Variants in TMX4 observed in about 807,000 individuals in gnomAD.
TMX4 encodes the protein thioredoxin related transmembrane protein 4, also known as thioredoxin-related transmembrane protein 4.
In TMX4, 23 loss-of-function variants were observed where a neutral mutation model predicts 33.3. The observed-to-expected ratio is 0.69, with a 90% CI of 0.50 to 0.98. The LOEUF is 0.98. TMX4 is among the 50% of genes least tolerant of loss of function. The pLI is 0.00. For synonymous variants in TMX4, 164 were observed against 161.5 expected (o/e 1.02, Z -0.12); for missense variants, 399 against 448.9 (o/e 0.89, Z 1.01).
At chr20:8,015,085 A>G (rs1358553493) in intron 1 of TMX4, among the ~76,000 whole-genome samples, 5 of 152,266 alleles carry the variant, frequency 3.3e-5, no homozygotes, top group African/African-American at 1.2e-4. Flanking sequence ...GATCAAATAA[A>G]ACAGTTAGTT....
intron 1 of TMX4, among the ~76,000 whole-genome samples, chr20:8,012,212 A>C (rs944686294): frequency 9.9e-5 from 15 of 152,156 alleles, no homozygotes; most frequent in African/African-American, 3.4e-4. Context: ...ATTAATCATG[A>C]TATTCTGGGC....
chr20:7,999,640 A>T, intron 4 of TMX4, 92 bp downstream of exon 4: 1 of 1,393,468 alleles, frequency 7.2e-7, no homozygotes, highest in Non-Finnish European at 9.7e-7. Context: ...AGTAAATGTG[A>T]AGTAAAACAT....
chr20:8,006,363 A>C (rs1283051467), intron 2 of TMX4, among the ~76,000 whole-genome samples: 1 of 152,220 alleles, frequency 6.6e-6, no homozygotes, highest in Non-Finnish European at 1.5e-5. Flanking sequence ...GACACTTCAA[A>C]ATTATTGTTT....
chr20:8,014,006 G>T (rs576493046), intron 1 of TMX4: 1 of 152,200 alleles, frequency 6.6e-6, no homozygotes, highest in South Asian at 2.1e-4. Context: ...CTAAATCAAA[G>T]TGTCAACAAA....
At chr20:7,986,344 C>A (rs1477668941) in intron 6 of TMX4, among the ~76,000 whole-genome samples, 1 of 152,054 alleles carries the variant, frequency 6.6e-6, no homozygotes, top group African/African-American at 2.4e-5. Context: ...TCAAATCGAG[C>A]CTCCTTGGCC....
In TMX4 at chr20:7,980,250, A is replaced by T. The variant is rs1028443805; in HGVS notation, c.*2001T>A. 1 of 152,218 alleles carries T rather than the reference A, an allele frequency of 6.6e-6. No individual in the cohort carries two copies. The highest frequency in any genetic ancestry group is 1.5e-5 in the Non-Finnish European group (1 of 68,040). 9.4% of individuals were successfully genotyped at this position (152,218 alleles called of 1,614,324 possible). On this transcript the variant is annotated 3_prime_UTR_variant, in exon 8 of 8. Coordinates refer to ENST00000246024, the MANE Select transcript of TMX4 (RefSeq NM_021156.4). The stretch of plus-strand genomic sequence containing the variant: ...ACTCCACTAAAAAAATGAATATTTC[A>T]GTTTGAGAGGGAGGAATTATATAGA...
chr20:8,013,428 A>C lies in TMX4; in HGVS notation c.177-3113T>G, dbSNP rs546738978. Among the ~76,000 whole-genome samples, 10 of 152,326 alleles carry C rather than the reference A, an allele frequency of 6.6e-5. No homozygotes were observed. The South Asian group carries it at 2.1e-3, about 32-fold the overall frequency. The stretch of plus-strand genomic sequence containing the variant: ...GTCACAGTGGTATGTAAAATTAGTA[A>C]ACTTCATAAACATATTTGAAATATA... On this transcript the variant is annotated intron_variant, in intron 1 of 7. Coordinates refer to ENST00000246024, the MANE Select transcript of TMX4 (RefSeq NM_021156.4).
Position 8,010,470 on chromosome 20 carries a change from A to G in TMX4, c.177-155T>C, listed in dbSNP as rs373103319. Among the ~76,000 whole-genome samples, 9 of 152,198 alleles carry G rather than the reference A, an allele frequency of 5.9e-5. No individual in the cohort carries two copies. In the East Asian group the frequency reaches 7.7e-4, roughly 13 times the overall value. On this transcript the variant is annotated intron_variant, in intron 1 of 7. Transcript: ENST00000246024. ...TCATTTGACATAGAAAAACAGAAGC[A>G]CATTGTCCCCACTAGGATTTAATGT...
chr20:8,001,387 C>T (rs2050706802), intron 3 of TMX4, 109 bp downstream of exon 3: 1 of 1,156,590 alleles, frequency 8.6e-7, no homozygotes, highest in Non-Finnish European at 1.2e-6. Flanking sequence ...CCTTGTTTCC[C>T]TCACATGTTA....
chr20:8,002,421 T>C (rs4813849), intron 2 of TMX4, among the ~76,000 whole-genome samples: 2,514 of 152,256 alleles, frequency 0.017, 60 homozygotes, highest in East Asian at 0.065. Flanking sequence ...AGGGTAGGTA[T>C]GCAAAAAAAT....
At chr20:8,000,032 T>C (rs1046098244) in intron 3 of TMX4, among the ~76,000 whole-genome samples, 172 bp from the exon 4 acceptor site, 7 of 152,166 alleles carry the variant, frequency 4.6e-5, no homozygotes, top group Admixed American at 1.3e-4. Context: ...AGCTTTACTA[T>C]AAGTGAGAAA....
chr20:7,988,206 C>T (rs1217044266), intron 5 of TMX4, among the ~76,000 whole-genome samples: 1 of 152,144 alleles, frequency 6.6e-6, no homozygotes, highest in East Asian at 1.9e-4. Context: ...CTGACAGCTT[C>T]AAAAATGGCC....
intron 3 of TMX4, among the ~76,000 whole-genome samples, chr20:8,000,538 G>C (rs2050701073): frequency 6.6e-6 from 1 of 152,028 alleles, no homozygotes; most frequent in South Asian, 2.1e-4. Flanking sequence ...CCTTGTGCTT[G>C]GCTTTTATGA....
chr20:7,984,650 C>T (rs776325272), intron 6 of TMX4, among the ~76,000 whole-genome samples: 4 of 152,138 alleles, frequency 2.6e-5, no homozygotes, highest in Non-Finnish European at 5.9e-5. Flanking sequence ...AATTGACACA[C>T]AGTAACTATA....
chr20:7,993,894 T>G (rs996291428), intron 5 of TMX4, among the ~76,000 whole-genome samples: 1 of 152,118 alleles, frequency 6.6e-6, no homozygotes, highest in Non-Finnish European at 1.5e-5. Flanking sequence ...AGGACAAATG[T>G]TTTAGTGATC....
At chr20:7,983,722 CT>C in intron 7 of TMX4, 71 bp downstream of exon 7, 1 of 1,296,304 alleles carries the variant, frequency 7.7e-7, no homozygotes, top group Non-Finnish European at 1.1e-6. Context: ...AACCCACTAT[CT>C]ATATGAGCAC....
At chr20:7,984,301 G>T (rs967914808) in intron 6 of TMX4, among the ~76,000 whole-genome samples, 2 of 152,178 alleles carry the variant, frequency 1.3e-5, no homozygotes, top group African/African-American at 4.8e-5. Flanking sequence ...GAAGGAGGAG[G>T]CATTTAATGC....
At chr20:7,988,907 T>C (rs1342635603) in intron 5 of TMX4, among the ~76,000 whole-genome samples, 1 of 151,682 alleles carries the variant, frequency 6.6e-6, no homozygotes. Context: ...CCTATAATCC[T>C]AGCTACTCAG....
At chr20:7,983,924 A>C in intron 6 of TMX4, 67 bp from the exon 7 acceptor site, 2 of 1,223,052 alleles carry the variant, frequency 1.6e-6, no homozygotes, top group South Asian at 2.5e-5. Flanking sequence ...CCTCAAAATT[A>C]GGCCTTGCTT....
Sources: gnomAD v4.1 joint callset for allele counts (sites outside exome capture counted in the v4.1 genomes callset) on GRCh38, gnomAD v4.1.1 for gene constraint, MANE v1.5 for transcripts, NCBI Gene and HGNC (gene_info 2026-07-23, HGNC 2026-07-21) for gene names.